The following EXT2 variants were observed in gnomAD, a reference collection of about 807,000 sequenced individuals.
The protein encoded by EXT2 is exostosin-2.
Under a neutral mutation model 81.6 loss-of-function variants are expected in EXT2, and 53 were observed. That is an observed-to-expected ratio of 0.65 (90% CI 0.52 to 0.82). The LOEUF is 0.82. EXT2 is among the 40% of genes least tolerant of loss of function. The pLI, the probability that EXT2 is intolerant of heterozygous loss-of-function variation, is 0.00. For missense variants in EXT2, 774 were observed against 910.2 expected, an observed-to-expected ratio of 0.85 and a Z score of 1.93; for synonymous variants, 320 against 340.0, an observed-to-expected ratio of 0.94 and a Z score of 0.65.
At chr11:44,210,588 G>A (rs1177627479) in intron 10 of EXT2, among the ~76,000 whole-genome samples, 1 of 152,004 alleles carries the variant, frequency 6.6e-6, no homozygotes, top group East Asian at 1.9e-4. Flanking sequence ...TTTAATTGGG[G>A]TAATGGTTTT....
intron 13 of EXT2, 26 bp downstream of exon 13, chr11:44,236,401 C>A (rs771498077): frequency 1.9e-6 from 3 of 1,605,156 alleles, no homozygotes; most frequent in African/African-American, 2.7e-5. Context: ...ACCAAAAGTG[C>A]GCCTTAGCCT....
chr11:44,219,347 A>G (rs1469442351), intron 10 of EXT2, among the ~76,000 whole-genome samples: 1 of 150,248 alleles, frequency 6.7e-6, no homozygotes, highest in African/African-American at 2.5e-5. Flanking sequence ...ACTAAAAATT[A>G]AATTAAAAAA....
chr11:44,216,155 C>T (rs557162704), intron 10 of EXT2, among the ~76,000 whole-genome samples: 1 of 152,146 alleles, frequency 6.6e-6, no homozygotes, highest in Non-Finnish European at 1.5e-5. Context: ...GGATTACAGG[C>T]GTGAGCCACC....
intron 7 of EXT2, among the ~76,000 whole-genome samples, chr11:44,143,015 A>ACTGC (rs1954666378): frequency 6.6e-6 from 1 of 152,186 alleles, no homozygotes; most frequent in East Asian, 1.9e-4. Context: ...GCAGTGGCGC[A>ACTGC]ATCTGGGCTC....
rs567294795 is a variant in EXT2 at position 44,191,235 on chromosome 11, G to A, written c.1306-6594G>A. ...GATTTCTTATTGGCGCTTCTGTACT[G>A]AATTTGGAGGAGTGAGAAGTAAACG... On this transcript the variant is annotated intron_variant, in intron 8 of 13. Transcript: ENST00000533608. Among the ~76,000 whole-genome samples, 6 of 152,368 alleles carry A rather than the reference G, an allele frequency of 3.9e-5. No individual in the cohort carries two copies. In the East Asian group the frequency reaches 1.2e-3, roughly 29 times the overall value.
At chr11:44,161,993 A>T (rs114281771) in intron 7 of EXT2, among the ~76,000 whole-genome samples, 1,594 of 152,338 alleles carry the variant, frequency 0.01, 23 homozygotes, top group African/African-American at 0.035. Flanking sequence ...ATTAGAGGAG[A>T]CTGAGCTGAC....
chr11:44,114,635 A>T (rs562384678), intron 4 of EXT2, among the ~76,000 whole-genome samples: 4 of 152,138 alleles, frequency 2.6e-5, no homozygotes, highest in African/African-American at 9.6e-5. Flanking sequence ...TGCTCCCCGA[A>T]TCCTCCTCCT....
At chr11:44,233,025 C>T (rs1955917387) in intron 11 of EXT2, among the ~76,000 whole-genome samples, 1 of 152,088 alleles carries the variant, frequency 6.6e-6, no homozygotes. Flanking sequence ...TGATAGATGT[C>T]CATTTTCATA....
At chr11:44,124,304 T>G (rs1412541005) in intron 4 of EXT2, among the ~76,000 whole-genome samples, 2 of 152,138 alleles carry the variant, frequency 1.3e-5, no homozygotes, top group Non-Finnish European at 2.9e-5. Flanking sequence ...GCCCTTCAGT[T>G]GCCTGCCAGT....
intron 8 of EXT2, among the ~76,000 whole-genome samples, chr11:44,179,246 G>A (rs1258263555): frequency 6.6e-6 from 1 of 152,184 alleles, no homozygotes; most frequent in Non-Finnish European, 1.5e-5. Flanking sequence ...GAGCATACTA[G>A]AGCTTTTGTA....
chr11:44,122,418 G>A (rs1243398359), intron 4 of EXT2, among the ~76,000 whole-genome samples: 1 of 152,112 alleles, frequency 6.6e-6, no homozygotes, highest in Non-Finnish European at 1.5e-5. Context: ...AGCAAAGATG[G>A]TGTTTAGTCT....
At chr11:44,107,334 C>T (rs1229556322) in intron 1 of EXT2, among the ~76,000 whole-genome samples, 1 of 152,060 alleles carries the variant, frequency 6.6e-6, no homozygotes, top group East Asian at 1.9e-4. Flanking sequence ...GTGGCTTATG[C>T]CTATGATCCT....
chr11:44,127,012 A>C, intron 6 of EXT2, 57 bp downstream of exon 6: 1 of 1,597,262 alleles, frequency 6.3e-7, no homozygotes, highest in Non-Finnish European at 8.6e-7. Context: ...ATTACAAATA[A>C]AATCTCCTCA....
At position 44,121,082 on chromosome 11, in the gene EXT2, A is replaced by G. The variant is rs1954308882; in HGVS notation, c.744-3707A>G. 2.0e-5 allele frequency among the ~76,000 whole-genome samples: 3 copies of G among 152,200 alleles called. No homozygotes were observed. In the South Asian group the frequency reaches 6.2e-4, roughly 31 times the overall value. ...GGGACACATTTTTAGACTTGTTCAC[A>G]TCTACACTTGTTCACATTGGGTGGG... On this transcript the variant is annotated intron_variant, in intron 4 of 13. Coordinates refer to ENST00000533608, the MANE Select transcript of EXT2 (RefSeq NM_207122.2).
intron 1 of EXT2, chr11:44,096,195 C>G: frequency 6.7e-7 from 1 of 1,492,324 alleles, no homozygotes; most frequent in Non-Finnish European, 9.0e-7. Flanking sequence ...CGCCGTGACC[C>G]CTCCCTTCCT....
intron 8 of EXT2, among the ~76,000 whole-genome samples, chr11:44,195,559 T>C (rs1955446427): frequency 6.6e-6 from 1 of 152,246 alleles, no homozygotes; most frequent in Admixed American, 6.5e-5. Context: ...AGGAATCCCA[T>C]TCAGCTTCTT....
At chr11:44,177,764 A>G (rs1955179562) in intron 8 of EXT2, among the ~76,000 whole-genome samples, 1 of 152,148 alleles carries the variant, frequency 6.6e-6, no homozygotes, top group Admixed American at 6.5e-5. Context: ...ACTAATAAAG[A>G]TACCCCAGAT....
chr11:44,128,012 A>G (rs550208814), intron 6 of EXT2, among the ~76,000 whole-genome samples: 1 of 152,328 alleles, frequency 6.6e-6, no homozygotes, highest in African/African-American at 2.4e-5. Flanking sequence ...TTCCATTCAT[A>G]TCTATCTCTC....
intron 10 of EXT2, among the ~76,000 whole-genome samples, chr11:44,216,628 C>T (rs2863054): frequency 0.5 from 76,379 of 151,806 alleles, 19,696 homozygotes; most frequent in Middle Eastern, 0.56. Context: ...TTCACAAATG[C>T]AAAGGCATCC....
Sources: allele counts gnomAD v4.1 joint callset (sites outside exome capture counted in the v4.1 genomes callset), GRCh38; gene constraint gnomAD v4.1.1; transcripts MANE v1.5; gene names NCBI Gene and HGNC (gene_info 2026-07-23, HGNC 2026-07-21).